RRM1: variants seen among roughly 807,000 people sequenced by gnomAD.
RRM1 encodes ribonucleotide reductase catalytic subunit M1.
RRM1 carries 19 observed loss-of-function variants against 101.5 expected under a neutral mutation model. The ratio of observed to expected loss-of-function variants is 0.19; its 90% CI spans 0.13 to 0.27. RRM1 has a LOEUF of 0.27. Among genes scored for constraint, RRM1 ranks in the 10% least tolerant of loss-of-function variants. The pLI, the probability that RRM1 is intolerant of heterozygous loss-of-function variation, is 1.00. For missense variants in RRM1, 500 were observed against 962.9 expected (o/e 0.52, Z 6.36); for synonymous variants, 298 against 323.4 (o/e 0.92, Z 0.84).
chr11:4,117,594 A>G (rs577873308), intron 7 of RRM1, among the ~76,000 whole-genome samples: 1 of 152,358 alleles, frequency 6.6e-6, no homozygotes, highest in South Asian at 2.1e-4. Flanking sequence ...AATGTCATAA[A>G]GGAAATGCTT....
Position 4,098,296 on chromosome 11 carries a change from C to G in RRM1, c.19+3265C>G, listed in dbSNP as rs574894102. ...TGCCTCCCTCCCTCCCTTCCTTCCT[C>G]CCTTTCTTCCTCCCTCCCTTCCTTC... On this transcript the variant is annotated intron_variant, in intron 1 of 18. Coordinates refer to ENST00000300738, the MANE Select transcript of RRM1 (RefSeq NM_001033.5). 2.0e-4 allele frequency among the ~76,000 whole-genome samples: 29 copies of G among 147,948 alleles called. 1 individual carries two copies. In the South Asian group the frequency reaches 5.8e-3, roughly 30 times the overall value.
chr11:4,112,815 T>C (rs892745869), intron 7 of RRM1, among the ~76,000 whole-genome samples: 3 of 152,084 alleles, frequency 2.0e-5, no homozygotes, highest in African/African-American at 7.2e-5. Flanking sequence ...TCAAAAGATA[T>C]TTAGGGCCAG....
chr11:4,114,304 A>G (rs888542726), intron 7 of RRM1, among the ~76,000 whole-genome samples: 9 of 152,086 alleles, frequency 5.9e-5, no homozygotes, highest in African/African-American at 1.7e-4. Flanking sequence ...CTGTAATCTC[A>G]GCACTTTGGG....
At chr11:4,105,600 A>C (rs187271000) in intron 2 of RRM1, 433 of 23,110 alleles carry the variant, frequency 0.019, 3 homozygotes, top group African/African-American at 0.13. Flanking sequence ...TTTTTTTTTG[A>C]GACAGGGTCT....
rs535646537 is a variant in RRM1, at chr11:4,109,694, C to T, written c.438C>T (p.Phe146=). ...ACCGAGATTTCTCTTACAATTACTT[C>T]GGCTTTAAGGTAAATAATGGGTTTC... The part of the protein sequence containing the change: ...IYDRDFSYNY[F]GFKTLERSYL... Residue 146 remains phenylalanine, a synonymous_variant, in exon 5 of 19, where the codon TTC becomes TTT. Coordinates refer to ENST00000300738, the MANE Select transcript of RRM1 (RefSeq NM_001033.5). 2.1e-5 allele frequency: 33 copies of T among 1,604,736 alleles called. 1 individual carries two copies. The highest frequency in any genetic ancestry group is 5.4e-5 in the African/African-American group (4 of 74,762).
chr11:4,136,763 T>A (rs2044131), intron 18 of RRM1, among the ~76,000 whole-genome samples: 3 of 150,454 alleles, frequency 2.0e-5, no homozygotes, highest in African/African-American at 7.5e-5. Context: ...TGTTTTTTCT[T>A]TTTATTTATT....
chr11:4,099,914 T>G (rs914281781), intron 1 of RRM1, among the ~76,000 whole-genome samples: 1 of 149,528 alleles, frequency 6.7e-6, no homozygotes, highest in East Asian at 2.0e-4. Context: ...TTCTGGCAGT[T>G]GTAGAATTTT....
intron 7 of RRM1, among the ~76,000 whole-genome samples, chr11:4,113,562 C>G (rs2094568419): frequency 6.6e-6 from 1 of 152,218 alleles, no homozygotes; most frequent in African/African-American, 2.4e-5. Context: ...AAAATTAAGT[C>G]TTAACCTACA....
intron 2 of RRM1, among the ~76,000 whole-genome samples, chr11:4,104,032 G>A (rs2094555331): frequency 6.6e-6 from 1 of 151,506 alleles, no homozygotes; most frequent in Non-Finnish European, 1.5e-5. Context: ...GATCGCTTGA[G>A]CCCTGGAGGT....
At chr11:4,129,466 GATT>G (rs1298430007) in intron 15 of RRM1, among the ~76,000 whole-genome samples, 3 of 149,728 alleles carry the variant, frequency 2.0e-5, no homozygotes, top group Non-Finnish European at 3.0e-5. Context: ...TTCCAACTAT[GATT>G]TTTTTTTTTA....
chr11:4,122,115 G>T, intron 10 of RRM1, 26 bp from the exon 11 acceptor site: 1 of 1,566,304 alleles, frequency 6.4e-7, no homozygotes, highest in South Asian at 1.1e-5. Flanking sequence ...AGTTTCTTAT[G>T]AGTGATTTTG....
At chr11:4,116,904 C>G (rs1291031100) in intron 7 of RRM1, among the ~76,000 whole-genome samples, 1 of 150,864 alleles carries the variant, frequency 6.6e-6, no homozygotes, top group Non-Finnish European at 1.5e-5. Context: ...GAGGTCAAAG[C>G]TGCTGTGAGC....
Position 4,094,928 on chromosome 11 carries a change from C to G in RRM1, c.-85C>G. On this transcript the variant is annotated 5_prime_UTR_variant, in exon 1 of 19. Transcript: ENST00000300738. Reference sequence around the variant, plus strand: ...AGCAGCGCCTGGAACCTAACCCTTCCCACTCTGTCACCTTCTCGATCCCGC... The same window carrying G: ...AGCAGCGCCTGGAACCTAACCCTTCGCACTCTGTCACCTTCTCGATCCCGC... 1 of 1,432,334 alleles carries G rather than the reference C, an allele frequency of 7.0e-7. No homozygotes were observed. Among genetic ancestry groups the G allele is most frequent in the Non-Finnish European group, 9.6e-7 (1 of 1,038,442 alleles). The allele number at this position is 1,432,334 out of a possible 1,614,324, so 88.7% of individuals were successfully genotyped here.
At chr11:4,104,603 A>G (rs1404848295) in intron 2 of RRM1, among the ~76,000 whole-genome samples, 1 of 152,168 alleles carries the variant, frequency 6.6e-6, no homozygotes, top group East Asian at 1.9e-4. Context: ...ATAATAATAT[A>G]ACCTTGGGCA....
At chr11:4,133,370 A>G (rs898228726) in intron 16 of RRM1, among the ~76,000 whole-genome samples, 193 bp from the exon 17 acceptor site, 8 of 150,094 alleles carry the variant, frequency 5.3e-5, no homozygotes, top group African/African-American at 2.0e-4. Flanking sequence ...TGAATAACAG[A>G]TGTCAAGATC....
chr11:4,111,877 G>T (rs752140471), intron 6 of RRM1, 23 bp from the exon 7 acceptor site: 23 of 1,598,528 alleles, frequency 1.4e-5, no homozygotes, highest in Non-Finnish European at 2.0e-5. Flanking sequence ...CTCATCATGT[G>T]AAAACTCCTC....
chr11:4,129,558 A>G (rs1229098752), intron 15 of RRM1, among the ~76,000 whole-genome samples: 1 of 151,972 alleles, frequency 6.6e-6, no homozygotes, highest in Non-Finnish European at 1.5e-5. Flanking sequence ...TGATTGTCAT[A>G]GGAATAATGG....
At chr11:4,102,201 A>G (rs1453696624) in intron 2 of RRM1, 120 bp downstream of exon 2, 3 of 622,208 alleles carry the variant, frequency 4.8e-6, no homozygotes, top group East Asian at 2.9e-5. Context: ...GCCCTTCGAT[A>G]TAAAATTTGA....
chr11:4,109,948 A>G (rs2094563155), intron 5 of RRM1, among the ~76,000 whole-genome samples: 1 of 152,198 alleles, frequency 6.6e-6, no homozygotes, highest in Admixed American at 6.5e-5. Context: ...CAGATAAATT[A>G]CCATAAGTAT....
Sources: allele counts gnomAD v4.1 joint callset (sites outside exome capture counted in the v4.1 genomes callset), GRCh38; gene constraint gnomAD v4.1.1; transcripts MANE v1.5; gene names NCBI Gene and HGNC (gene_info 2026-07-23, HGNC 2026-07-21).